RBFOX1: variants seen among roughly 807,000 people sequenced by gnomAD.
The protein encoded by RBFOX1 is RNA binding fox-1 homolog 1, also known as RNA binding protein fox-1 homolog 1.
In RBFOX1, 8 loss-of-function variants were observed where a neutral mutation model predicts 57.7. The observed-to-expected ratio is 0.14, with a 90% CI of 0.08 to 0.25. The LOEUF (loss-of-function observed/expected upper bound fraction) is 0.25. Among genes scored for constraint, RBFOX1 ranks in the 10% least tolerant of loss-of-function variants. The pLI, the probability that RBFOX1 is intolerant of heterozygous loss-of-function variation, is 1.00. For synonymous variants in RBFOX1, 326 were observed against 222.4 expected, an observed-to-expected ratio of 1.47 and a Z score of -4.15; for missense variants, 611 against 548.5, an observed-to-expected ratio of 1.11 and a Z score of -1.14.
chr16:6,395,474 G>A (rs913480075), intron 2 of RBFOX1, among the ~76,000 whole-genome samples: 14 of 151,784 alleles, frequency 9.2e-5, no homozygotes, highest in African/African-American at 3.4e-4. Context: ...ACTATTGCAT[G>A]GTTGTTTTGA....
At chr16:7,397,774 G>A (rs1449469216) in intron 4 of RBFOX1, among the ~76,000 whole-genome samples, 1 of 152,148 alleles carries the variant, frequency 6.6e-6, no homozygotes, top group Admixed American at 6.5e-5. Context: ...TAGATTTACG[G>A]TGGTATGAAC....
chr16:5,716,228 A>G (rs892902339), intron 3 of RBFOX1, among the ~76,000 whole-genome samples: 2 of 152,292 alleles, frequency 1.3e-5, no homozygotes, highest in African/African-American at 4.8e-5. Context: ...ATTTTTTTCC[A>G]TTAAAATCAG....
intron 2 of RBFOX1, among the ~76,000 whole-genome samples, chr16:5,474,037 T>G (rs980267293): frequency 2.0e-5 from 3 of 151,232 alleles, no homozygotes; most frequent in Non-Finnish European, 4.4e-5. Context: ...TGGATGGAAG[T>G]AAGGAAGGAA....
chr16:7,543,774 G>A (rs112076111), intron 5 of RBFOX1, among the ~76,000 whole-genome samples: 6,188 of 151,714 alleles, frequency 0.041, 190 homozygotes, highest in East Asian at 0.12. Context: ...AGGCTGGAGT[G>A]CAGTGGCACG....
At chr16:5,567,635 C>CAAAAA (rs34858401) in intron 2 of RBFOX1, among the ~76,000 whole-genome samples, 6 of 63,144 alleles carry the variant, frequency 9.5e-5, no homozygotes, top group African/African-American at 1.3e-4. Context: ...AGGTTATAGG[C>CAAAAA]AAAAAAAAAA....
At chr16:7,491,939 T>C (rs1234042069) in intron 4 of RBFOX1, among the ~76,000 whole-genome samples, 2 of 152,232 alleles carry the variant, frequency 1.3e-5, no homozygotes, top group Admixed American at 1.3e-4. Flanking sequence ...TGTTCCTTTT[T>C]TGTCATTCTG....
At chr16:6,701,938 C>T (rs898825844) in intron 3 of RBFOX1, among the ~76,000 whole-genome samples, 6 of 152,148 alleles carry the variant, frequency 3.9e-5, no homozygotes, top group African/African-American at 1.2e-4. Flanking sequence ...ACACCGGGGC[C>T]TGCTTGAGGA....
chr16:6,759,607 C>T (rs1006733810), intron 3 of RBFOX1, among the ~76,000 whole-genome samples: 1 of 151,162 alleles, frequency 6.6e-6, no homozygotes, highest in African/African-American at 2.4e-5. Context: ...TGTGGCAGAG[C>T]CTTTTGTTCT....
chr16:7,495,946 T>C (rs1244139445), intron 4 of RBFOX1, among the ~76,000 whole-genome samples: 1 of 152,200 alleles, frequency 6.6e-6, no homozygotes, highest in Non-Finnish European at 1.5e-5. Flanking sequence ...GTTCCTCATT[T>C]AAATTTATGT....
chr16:7,178,150 A>G (rs1331921776), intron 4 of RBFOX1, among the ~76,000 whole-genome samples: 1 of 152,212 alleles, frequency 6.6e-6, no homozygotes, highest in Non-Finnish European at 1.5e-5. Flanking sequence ...AACAACAAAC[A>G]AAAAACATGT....
At chr16:7,410,315 G>A (rs2098411042) in intron 4 of RBFOX1, among the ~76,000 whole-genome samples, 1 of 152,188 alleles carries the variant, frequency 6.6e-6, no homozygotes, top group South Asian at 2.1e-4. Context: ...GACAAATAAG[G>A]ATGCTGAGCT....
At chr16:6,664,645 G>T (rs1427999837) in intron 3 of RBFOX1, among the ~76,000 whole-genome samples, 1 of 152,166 alleles carries the variant, frequency 6.6e-6, no homozygotes, top group Non-Finnish European at 1.5e-5. Context: ...TGGGGACCAG[G>T]CAATAGCAGA....
intron 4 of RBFOX1, among the ~76,000 whole-genome samples, chr16:7,353,305 G>A (rs557662043): frequency 6.6e-6 from 1 of 152,208 alleles, no homozygotes; most frequent in South Asian, 2.1e-4. Context: ...AAAAAAGATA[G>A]ACAGCAAGAA....
At chr16:5,246,346 A>C (rs559563660) in intron 1 of RBFOX1, among the ~76,000 whole-genome samples, 1 of 152,226 alleles carries the variant, frequency 6.6e-6, no homozygotes, top group South Asian at 2.1e-4. Context: ...TTGAATTGAC[A>C]AAAAGTATGT....
At chr16:6,227,631 A>T (rs1271106793) in intron 1 of RBFOX1, among the ~76,000 whole-genome samples, 1 of 152,176 alleles carries the variant, frequency 6.6e-6, no homozygotes, top group Non-Finnish European at 1.5e-5. Context: ...GTCAGAAAGT[A>T]GGGCAGCCAT....
intron 1 of RBFOX1, among the ~76,000 whole-genome samples, chr16:6,088,546 T>G (rs2096123111): frequency 6.6e-6 from 1 of 151,768 alleles, no homozygotes; most frequent in Non-Finnish European, 1.5e-5. Context: ...CCTTCCTTCC[T>G]TCTGCATTTA....
intron 1 of RBFOX1, among the ~76,000 whole-genome samples, chr16:6,168,033 G>A (rs1206801635): frequency 1.3e-5 from 2 of 152,164 alleles, no homozygotes; most frequent in Non-Finnish European, 2.9e-5. Flanking sequence ...TATTTGGGAT[G>A]GAGACTGACA....
intron 4 of RBFOX1, among the ~76,000 whole-genome samples, chr16:7,178,890 G>A (rs980587369): frequency 1.3e-5 from 2 of 151,998 alleles, no homozygotes; most frequent in East Asian, 1.9e-4. Flanking sequence ...AGTTTGGTTG[G>A]TTTTACTGAT....
chr16:6,247,091 A>C (rs1456032750), intron 1 of RBFOX1, among the ~76,000 whole-genome samples: 1 of 152,224 alleles, frequency 6.6e-6, no homozygotes, highest in Non-Finnish European at 1.5e-5. Flanking sequence ...ACTAAAAAAA[A>C]TTCTGACCAC....
Sources: gnomAD v4.1 joint callset for allele counts (sites outside exome capture counted in the v4.1 genomes callset) on GRCh38, gnomAD v4.1.1 for gene constraint, MANE v1.5 for transcripts, NCBI Gene and HGNC (gene_info 2026-07-23, HGNC 2026-07-21) for gene names.